CDH4: variants seen among roughly 807,000 people sequenced by gnomAD.
CDH4 encodes the protein cadherin 4.
In CDH4, 33 loss-of-function variants were observed where a neutral mutation model predicts 86.0. The observed-to-expected ratio is 0.38, with a 90% CI of 0.29 to 0.51. The LOEUF is 0.51. Ranked by LOEUF, CDH4 falls within the 20% of genes least tolerant of loss-of-function variation. The probability of loss-of-function intolerance (pLI) is 0.86; values close to 1 mark genes in which losing one functional copy is unlikely to be tolerated. For synonymous variants in CDH4, 555 were observed against 549.4 expected (o/e 1.01, Z -0.14); for missense variants, 1,114 against 1,307.4 (o/e 0.85, Z 2.28).
chr20:61,647,305 T>G (rs2087071187), intron 2 of CDH4, among the ~76,000 whole-genome samples: 1 of 152,186 alleles, frequency 6.6e-6, no homozygotes, highest in South Asian at 2.1e-4. Flanking sequence ...TACCTGGCTG[T>G]CTGCCTGGAG....
intron 2 of CDH4, among the ~76,000 whole-genome samples, chr20:61,425,118 C>G (rs1226076892): frequency 6.6e-6 from 1 of 152,206 alleles, no homozygotes; most frequent in African/African-American, 2.4e-5. Context: ...CCAAGACCGC[C>G]TGTGTGGCTC....
chr20:61,604,301 C>T (rs1206860156), intron 2 of CDH4, among the ~76,000 whole-genome samples: 2 of 152,224 alleles, frequency 1.3e-5, no homozygotes, highest in Admixed American at 1.3e-4. Context: ...TCTGCCCTGG[C>T]GGCAGCCGCA....
At chr20:61,704,527 C>T (rs1027510033) in intron 2 of CDH4, among the ~76,000 whole-genome samples, 2 of 152,118 alleles carry the variant, frequency 1.3e-5, no homozygotes, top group African/African-American at 4.8e-5. Context: ...CTGAAGCCCC[C>T]AGAGCCAGGT....
intron 2 of CDH4, among the ~76,000 whole-genome samples, chr20:61,277,481 T>C (rs1166767145): frequency 6.6e-6 from 1 of 152,132 alleles, no homozygotes; most frequent in African/African-American, 2.4e-5. Flanking sequence ...GAAGCCTTCT[T>C]CCCAGGAGGG....
At chr20:61,600,727 G>C (rs2145744057) in intron 2 of CDH4, among the ~76,000 whole-genome samples, 1 of 152,298 alleles carries the variant, frequency 6.6e-6, no homozygotes, top group African/African-American at 2.4e-5. Flanking sequence ...CACATCCTTT[G>C]TATACTTTAA....
chr20:61,764,740 G>C (rs1459657853), intron 3 of CDH4, among the ~76,000 whole-genome samples: 1 of 152,188 alleles, frequency 6.6e-6, no homozygotes, highest in Non-Finnish European at 1.5e-5. Context: ...AGGCGCCCCA[G>C]CCTTCGGCTT....
intron 2 of CDH4, among the ~76,000 whole-genome samples, chr20:61,447,624 C>CTTTTTT (rs11204461): frequency 2.0e-5 from 2 of 102,032 alleles, no homozygotes; most frequent in Admixed American, 1.2e-4. Flanking sequence ...ATTCTACTTC[C>CTTTTTT]TTTTTTTTTT....
Position 61,686,658 on chromosome 20 carries a change from T to C in CDH4, c.170-56905T>C, listed in dbSNP as rs1397270518. Among the ~76,000 whole-genome samples the C allele has an allele frequency of 2.0e-5, 3 of 151,746 alleles. No individual in the cohort carries two copies. In the East Asian group the frequency reaches 5.8e-4, roughly 30 times the overall value. Reference sequence around the variant, plus strand: ...TCTCGTGTGCATTCGCGTGTGTGCATTCGCGTGTATGTGCGTGTGCATTTG... The same window carrying C: ...TCTCGTGTGCATTCGCGTGTGTGCACTCGCGTGTATGTGCGTGTGCATTTG... On this transcript the variant is annotated intron_variant, in intron 2 of 15. Transcript: ENST00000614565.
intron 3 of CDH4, among the ~76,000 whole-genome samples, chr20:61,747,082 C>T (rs1351846757): frequency 6.6e-6 from 1 of 152,178 alleles, no homozygotes; most frequent in Non-Finnish European, 1.5e-5. Flanking sequence ...CACTCGGCCT[C>T]ATGACTGGGC....
At chr20:61,413,359 G>A (rs577777140) in intron 2 of CDH4, among the ~76,000 whole-genome samples, 2 of 152,306 alleles carry the variant, frequency 1.3e-5, no homozygotes, top group East Asian at 1.9e-4. Flanking sequence ...GTGGAGGGGA[G>A]GGGTGTGTCA....
intron 2 of CDH4, among the ~76,000 whole-genome samples, chr20:61,375,886 A>G (rs1445767935): frequency 0.02 from 120 of 6,130 alleles, no homozygotes; most frequent in African/African-American, 0.059. Context: ...GGTGGTGGTG[A>G]TGGTGTGGTT....
At chr20:61,320,589 G>C (rs1484465519) in intron 2 of CDH4, among the ~76,000 whole-genome samples, 1 of 152,056 alleles carries the variant, frequency 6.6e-6, no homozygotes, top group African/African-American at 2.4e-5. Flanking sequence ...TGATGTTTGT[G>C]AGTGGGGGAT....
intron 4 of CDH4, among the ~76,000 whole-genome samples, chr20:61,820,361 C>A (rs941139245): frequency 6.6e-6 from 1 of 152,250 alleles, no homozygotes. Flanking sequence ...ACCACTGAGG[C>A]CAGGCTGGTG....
chr20:61,419,146 G>T (rs762724431), intron 2 of CDH4, among the ~76,000 whole-genome samples: 21 of 152,190 alleles, frequency 1.4e-4, no homozygotes, highest in Non-Finnish European at 2.4e-4. Flanking sequence ...CGCAGGGTTT[G>T]GTGGGACTGC....
intron 2 of CDH4, among the ~76,000 whole-genome samples, chr20:61,628,561 C>T (rs909204272): frequency 6.6e-6 from 1 of 152,242 alleles, no homozygotes; most frequent in African/African-American, 2.4e-5. Context: ...AGGTCAGGTG[C>T]CCTTCCTGCT....
intron 2 of CDH4, among the ~76,000 whole-genome samples, chr20:61,602,760 G>T (rs1255798960): frequency 1.3e-5 from 2 of 148,854 alleles, no homozygotes; most frequent in African/African-American, 4.9e-5. Flanking sequence ...TGTGTGCCAG[G>T]CCAGCACCAA....
chr20:61,692,892 A>T (rs2087675578), intron 2 of CDH4, among the ~76,000 whole-genome samples: 1 of 150,922 alleles, frequency 6.6e-6, no homozygotes, highest in Admixed American at 6.6e-5. Context: ...CCGTGTGGAT[A>T]TTGGTCAAAA....
At chr20:61,527,020 C>G (rs973863903) in intron 2 of CDH4, among the ~76,000 whole-genome samples, 5 of 152,252 alleles carry the variant, frequency 3.3e-5, no homozygotes, top group Non-Finnish European at 5.9e-5. Flanking sequence ...GGGACCTTCC[C>G]GACGGGGCTC....
intron 2 of CDH4, among the ~76,000 whole-genome samples, chr20:61,629,727 C>T (rs745537012): frequency 7.2e-5 from 11 of 152,186 alleles, no homozygotes; most frequent in African/African-American, 2.4e-4. Flanking sequence ...CTGCCCTGTC[C>T]CTGCCAAAAA....
Sources: allele counts gnomAD v4.1 joint callset (sites outside exome capture counted in the v4.1 genomes callset), GRCh38; gene constraint gnomAD v4.1.1; transcripts MANE v1.5; gene names NCBI Gene and HGNC (gene_info 2026-07-23, HGNC 2026-07-21).